The following GUCY1A2 variants were observed in gnomAD, a reference collection of about 807,000 sequenced individuals.
The protein encoded by GUCY1A2 is guanylate cyclase 1 soluble subunit alpha 2, also known as guanylate cyclase soluble subunit alpha-2.
GUCY1A2 carries 27 observed loss-of-function variants against 63.5 expected under a neutral mutation model. The observed-to-expected ratio is 0.43, with a 90% CI of 0.31 to 0.59. GUCY1A2 has a LOEUF of 0.59. GUCY1A2 is among the 20% of genes least tolerant of loss of function. GUCY1A2 has a pLI of 0.11. For synonymous variants in GUCY1A2, 364 were observed against 343.5 expected (o/e 1.06, Z -0.66); for missense variants, 768 against 913.3 (o/e 0.84, Z 2.05).
At chr11:106,771,584 A>C (rs1380902493) in intron 6 of GUCY1A2, among the ~76,000 whole-genome samples, 4 of 152,020 alleles carry the variant, frequency 2.6e-5, no homozygotes, top group African/African-American at 9.7e-5. Context: ...CCCCATCTCT[A>C]CTAAAAAGTT....
intron 3 of GUCY1A2, among the ~76,000 whole-genome samples, 198 bp from the exon 4 acceptor site, chr11:106,940,376 C>T (rs1318525597): frequency 6.6e-6 from 1 of 152,124 alleles, no homozygotes; most frequent in African/African-American, 2.4e-5. Flanking sequence ...TTCAGGATGC[C>T]TCTAAAATGT....
rs1862477752 is a variant in GUCY1A2 at position 106,684,018 on chromosome 11, G to T, written c.*3531C>A. ...TTTGGAGGCATTTGCAAAATTAAAA[G>T]TCTTGCTCCCCTTGTGAATGAGATT... On this transcript the variant is annotated 3_prime_UTR_variant, in exon 8 of 8. Transcript: ENST00000526355. The T allele has an allele frequency of 5.2e-6, 1 of 193,428 alleles. No individual in the cohort carries two copies. Among genetic ancestry groups the T allele is most frequent in the African/African-American group, 2.3e-5 (1 of 43,066 alleles). 12.0% of individuals were successfully genotyped at this position (193,428 alleles called of 1,614,324 possible). A position where few individuals can be genotyped will look rare whatever the true frequency, so the allele number is the denominator to read the frequency against.
intron 4 of GUCY1A2, among the ~76,000 whole-genome samples, chr11:106,883,167 C>T (rs999309886): frequency 1.2e-4 from 18 of 152,096 alleles, no homozygotes; most frequent in African/African-American, 2.2e-4. Flanking sequence ...TTCCTCTGCC[C>T]GCAATTGCAT....
chr11:106,898,108 A>G (rs759357436), intron 4 of GUCY1A2, among the ~76,000 whole-genome samples: 3 of 152,216 alleles, frequency 2.0e-5, no homozygotes, highest in Non-Finnish European at 4.4e-5. Flanking sequence ...TCCACATCAT[A>G]TGGCATCAGG....
chr11:106,978,482 C>A (rs551747738), intron 3 of GUCY1A2, 137 bp downstream of exon 3: 5 of 556,114 alleles, frequency 9.0e-6, no homozygotes, highest in African/African-American at 7.7e-5. Context: ...GAGTTAACAC[C>A]CATCACTTCA....
intron 5 of GUCY1A2, among the ~76,000 whole-genome samples, chr11:106,800,793 C>T (rs572335994): frequency 7.9e-5 from 12 of 151,724 alleles, no homozygotes; most frequent in East Asian, 7.8e-4. Context: ...ATGAAAATGA[C>T]GAGTTAATGG....
chr11:106,836,649 G>T lies in GUCY1A2; in HGVS notation c.1207-26171C>A, dbSNP rs561675933. 3.3e-5 allele frequency among the ~76,000 whole-genome samples: 5 copies of T among 152,016 alleles called. No individual in the cohort carries two copies. The South Asian group carries it at 1.0e-3, about 31-fold the overall frequency. The stretch of plus-strand genomic sequence containing the variant: ...ACTGTAAAAAATACACAAAAACCAA[G>T]AGAGGTAACTTTTTACTGTAATACG... On this transcript the variant is annotated intron_variant, in intron 4 of 7. Coordinates refer to ENST00000526355, the MANE Select transcript of GUCY1A2 (RefSeq NM_000855.3).
intron 3 of GUCY1A2, among the ~76,000 whole-genome samples, chr11:106,951,192 C>T (rs1378652574): frequency 6.6e-6 from 1 of 152,168 alleles, no homozygotes; most frequent in African/African-American, 2.4e-5. Context: ...AACAGTGCTG[C>T]AATAAACATA....
intron 4 of GUCY1A2, among the ~76,000 whole-genome samples, chr11:106,821,168 A>G (rs1039281085): frequency 1.1e-4 from 17 of 152,204 alleles, no homozygotes; most frequent in Non-Finnish European, 2.1e-4. Flanking sequence ...TTGAAAGAAG[A>G]ACATCAACAA....
intron 6 of GUCY1A2, among the ~76,000 whole-genome samples, chr11:106,734,447 A>G (rs942860003): frequency 3.9e-5 from 6 of 152,238 alleles, no homozygotes; most frequent in Admixed American, 2.6e-4. Flanking sequence ...AAATAAATGT[A>G]TTTCATAGAA....
At chr11:106,813,548 A>T (rs1254544572) in intron 4 of GUCY1A2, among the ~76,000 whole-genome samples, 1 of 151,918 alleles carries the variant, frequency 6.6e-6, no homozygotes, top group Non-Finnish European at 1.5e-5. Context: ...CATGTTTTAT[A>T]TTTTTGCCTA....
chr11:106,847,231 C>CAAA (rs57752458), intron 4 of GUCY1A2, among the ~76,000 whole-genome samples: 56 of 141,436 alleles, frequency 4.0e-4, no homozygotes, highest in East Asian at 1.2e-3. Context: ...TTGCAAAACT[C>CAAA]AAAAAAAAAA....
chr11:106,741,240 A>G (rs148545102), intron 6 of GUCY1A2, among the ~76,000 whole-genome samples: 1 of 152,234 alleles, frequency 6.6e-6, no homozygotes, highest in African/African-American at 2.4e-5. Flanking sequence ...GACTTTTTAA[A>G]TATTCTTATT....
At chr11:106,699,632 C>T (rs567132463) in intron 7 of GUCY1A2, among the ~76,000 whole-genome samples, 1 of 152,090 alleles carries the variant, frequency 6.6e-6, no homozygotes, top group Admixed American at 6.5e-5. Flanking sequence ...AAGAGAGAAC[C>T]ACCAAGCTTT....
At chr11:106,750,203 T>A (rs1352781100) in intron 6 of GUCY1A2, among the ~76,000 whole-genome samples, 1 of 151,914 alleles carries the variant, frequency 6.6e-6, no homozygotes, top group East Asian at 1.9e-4. Context: ...GGCAGAAGAG[T>A]GGAAGCAAGT....
At chr11:106,938,628 G>GTTTAATCA (rs1307852924) in intron 4 of GUCY1A2, among the ~76,000 whole-genome samples, 1 of 152,054 alleles carries the variant, frequency 6.6e-6, no homozygotes, top group Non-Finnish European at 1.5e-5. Context: ...TTGTTTTTCC[G>GTTTAATCA]TTTAATCACT....
chr11:107,018,382 C>A lies in GUCY1A2; in HGVS notation c.-327G>T, dbSNP rs1425072857. The A allele has an allele frequency of 6.7e-6, 1 of 150,082 alleles. No homozygotes were observed. Among genetic ancestry groups the A allele is most frequent in the Non-Finnish European group, 1.5e-5 (1 of 67,320 alleles). 9.3% of individuals were successfully genotyped at this position (150,082 alleles called of 1,614,324 possible). A position where few individuals can be genotyped will look rare whatever the true frequency, so the allele number is the denominator to read the frequency against. On this transcript the variant is annotated 5_prime_UTR_variant, in exon 1 of 8. Transcript: ENST00000526355. ...GGCGCATCGCCGTGCGCCGCGCTCC[C>A]GCTCACGGGGAGGCTCCGAGAGTGT...
Position 107,009,498 on chromosome 11 carries a change from TTC to T in GUCY1A2, c.303+8253_303+8254del, listed in dbSNP as rs542692771. 4.2e-3 allele frequency among the ~76,000 whole-genome samples: 645 copies of T among 152,346 alleles called. 2 individuals are homozygous for T. The highest frequency in any genetic ancestry group is 5.9e-3 in the Non-Finnish European group (403 of 68,030). On this transcript the variant is annotated intron_variant, in intron 1 of 7. Transcript: ENST00000526355. ...ATCCCCAACCTTTTCAAATATCTGTTTCTCTGTTTTGGAAAAAGGGGTCACAA... is the reference window on the plus strand; with the variant it reads ...ATCCCCAACCTTTTCAAATATCTGTTTCTGTTTTGGAAAAAGGGGTCACAA...
rs138869221 is a variant in GUCY1A2, at chr11:106,981,111, TAC to T, written c.366-2373_366-2372del. On this transcript the variant is annotated intron_variant, in intron 2 of 7. Transcript: ENST00000526355. ...TCTAATTTGTTTATGTTCAAAAAGA[TAC>T]AGTTTTTTTCTATGTAAATATATAA... is the stretch of plus-strand genomic sequence containing the variant. Among the ~76,000 whole-genome samples, 1,473 of 152,272 alleles carry T rather than the reference TAC, an allele frequency of 9.7e-3. 19 individuals are homozygous for T. Among genetic ancestry groups the T allele is most frequent in the African/African-American group, 0.032 (1,350 of 41,546 alleles).
Sources: allele counts gnomAD v4.1 joint callset (sites outside exome capture counted in the v4.1 genomes callset), GRCh38; gene constraint gnomAD v4.1.1; transcripts MANE v1.5; gene names NCBI Gene and HGNC (gene_info 2026-07-23, HGNC 2026-07-21).